Variants in FSIP1 observed in about 807,000 individuals in gnomAD.
FSIP1 encodes the protein fibrous sheath-interacting protein 1.
A neutral mutation model predicts 60.9 loss-of-function variants in FSIP1; 65 were observed. The ratio of observed to expected loss-of-function variants is 1.07; its 90% CI spans 0.87 to 1.31. The LOEUF is 1.31. FSIP1 is among the 40% of genes most tolerant of loss of function. The probability of loss-of-function intolerance (pLI) is 0.00; values close to 1 mark genes in which losing one functional copy is unlikely to be tolerated. For missense variants in FSIP1, 675 were observed against 665.5 expected, an observed-to-expected ratio of 1.01 and a Z score of -0.16; for synonymous variants, 209 against 221.2, an observed-to-expected ratio of 0.94 and a Z score of 0.49.
At chr15:39,605,576 A>G (rs1352938102) in intron 11 of FSIP1, among the ~76,000 whole-genome samples, 1 of 152,224 alleles carries the variant, frequency 6.6e-6, no homozygotes, top group Admixed American at 6.5e-5. Flanking sequence ...TGGAAATTCA[A>G]TGTCTCCAAA....
intron 10 of FSIP1, among the ~76,000 whole-genome samples, chr15:39,652,155 C>G (rs1892897773): frequency 1.3e-5 from 2 of 152,180 alleles, no homozygotes. Flanking sequence ...CCAGCTCAGC[C>G]TCAGAGCCCA....
chr15:39,749,248 C>T lies in FSIP1; in HGVS notation c.560-7348G>A, dbSNP rs529477317. 2.0e-3 allele frequency among the ~76,000 whole-genome samples: 184 copies of T among 92,442 alleles called. 1 individual carries two copies. The highest frequency in any genetic ancestry group is 2.5e-3 in the Non-Finnish European group (126 of 50,130). The allele number at this position is 92,442 out of a possible 152,430, so 60.6% of individuals were successfully genotyped here. A position where few individuals can be genotyped will look rare whatever the true frequency, so the allele number is the denominator to read the frequency against. Reference sequence around the variant, plus strand: ...TCTCCAAGAAGAATTAATACCAATACTTCTTAAACTCTTCCAAAAAAAAAA... The same window carrying T: ...TCTCCAAGAAGAATTAATACCAATATTTCTTAAACTCTTCCAAAAAAAAAA... On this transcript the variant is annotated intron_variant, in intron 5 of 11. Coordinates refer to ENST00000350221, the MANE Select transcript of FSIP1 (RefSeq NM_152597.5).
intron 10 of FSIP1, among the ~76,000 whole-genome samples, chr15:39,695,120 A>G (rs1894762655): frequency 6.6e-6 from 1 of 152,002 alleles, no homozygotes; most frequent in Non-Finnish European, 1.5e-5. Context: ...CATTTCACCT[A>G]TTTTCTTAAA....
chr15:39,618,116 C>G lies in FSIP1; in HGVS notation c.1318G>C (p.Val440Leu). 6.2e-7 allele frequency: 1 copy of G among 1,614,214 alleles called. No homozygotes were observed. The highest frequency in any genetic ancestry group is 8.5e-7 in the Non-Finnish European group (1 of 1,180,034). ...ATGGACCTGGAAAGCTGGGGGAACA[C>G]AGGTGTTACGTCCTCAATGTCTTCC... ...KKEDIEDVTP[V>L]FPQLSRSIIS... The change falls in exon 11 of 12, where the codon GTG (valine) becomes CTG (leucine). Residue 440 changes from valine (V) to leucine (L), a missense_variant. By Grantham distance (32) the Val-to-Leu change is conservative. Transcript: ENST00000350221.
chr15:39,646,344 G>A (rs370296155), intron 10 of FSIP1, among the ~76,000 whole-genome samples: 13 of 151,658 alleles, frequency 8.6e-5, no homozygotes, highest in African/African-American at 1.9e-4. Context: ...ACAAGAACTC[G>A]GGCAAAGGTG....
chr15:39,652,895 G>A (rs1892930025), intron 10 of FSIP1, among the ~76,000 whole-genome samples: 1 of 151,668 alleles, frequency 6.6e-6, no homozygotes, highest in Admixed American at 6.6e-5. Context: ...CGGTATGCAG[G>A]CTGAATACAG....
intron 10 of FSIP1, among the ~76,000 whole-genome samples, chr15:39,709,266 A>C (rs1895399649): frequency 6.6e-6 from 1 of 152,218 alleles, no homozygotes; most frequent in African/African-American, 2.4e-5. Context: ...TTCCACCAGT[A>C]ATCCTGAAAG....
chr15:39,649,757 C>T (rs898610163), intron 10 of FSIP1, among the ~76,000 whole-genome samples: 2 of 152,238 alleles, frequency 1.3e-5, no homozygotes, highest in Admixed American at 1.3e-4. Flanking sequence ...GTCCTGAACA[C>T]TCAGCTTGAC....
intron 10 of FSIP1, among the ~76,000 whole-genome samples, chr15:39,679,013 T>C (rs1894055339): frequency 1.3e-5 from 2 of 152,206 alleles, no homozygotes; most frequent in African/African-American, 4.8e-5. Flanking sequence ...AAAGAATGGA[T>C]CTTGTCTGGG....
intron 5 of FSIP1, among the ~76,000 whole-genome samples, chr15:39,758,947 G>T (rs1220832566): frequency 6.6e-6 from 1 of 151,948 alleles, no homozygotes; most frequent in African/African-American, 2.4e-5. Flanking sequence ...ATCCAATAAA[G>T]GGTCTTGGAA....
intron 5 of FSIP1, among the ~76,000 whole-genome samples, chr15:39,749,150 A>C (rs1405128108): frequency 2.6e-5 from 4 of 151,694 alleles, no homozygotes; most frequent in African/African-American, 9.7e-5. Context: ...ACAGAGATTG[A>C]AGTAGTAATT....
intron 10 of FSIP1, among the ~76,000 whole-genome samples, chr15:39,655,797 T>A (rs1269601947): frequency 1.3e-5 from 2 of 152,150 alleles, no homozygotes; most frequent in Non-Finnish European, 2.9e-5. Flanking sequence ...TTTGAAATGA[T>A]CTTAGGATAG....
chr15:39,682,981 C>T (rs1383612364), intron 10 of FSIP1, among the ~76,000 whole-genome samples: 1 of 152,008 alleles, frequency 6.6e-6, no homozygotes, highest in Non-Finnish European at 1.5e-5. Context: ...AGTTCCTGGT[C>T]CAGTACAGAA....
chr15:39,693,466 G>A (rs1284439873), intron 10 of FSIP1, among the ~76,000 whole-genome samples: 1 of 152,214 alleles, frequency 6.6e-6, no homozygotes, highest in East Asian at 1.9e-4. Flanking sequence ...GCTACAATAA[G>A]TCTCTGCGAA....
At chr15:39,741,705 T>C (rs977780382) in intron 6 of FSIP1, 100 bp downstream of exon 6, 1 of 646,592 alleles carries the variant, frequency 1.5e-6, no homozygotes, top group Admixed American at 2.4e-5. Flanking sequence ...CCACTTACCT[T>C]TGGATTAAAT....
At chr15:39,616,143 A>C (rs1891222935) in intron 11 of FSIP1, among the ~76,000 whole-genome samples, 2 of 152,196 alleles carry the variant, frequency 1.3e-5, no homozygotes, top group Admixed American at 6.5e-5. Flanking sequence ...AAAAAATCCA[A>C]ATATTTATAT....
intron 5 of FSIP1, among the ~76,000 whole-genome samples, chr15:39,750,066 C>CA (rs764342977): frequency 6.6e-6 from 1 of 151,536 alleles, no homozygotes; most frequent in Non-Finnish European, 1.5e-5. Flanking sequence ...ATGATAGCAT[C>CA]AAAAAAATCA....
At chr15:39,749,738 T>C (rs1305413913) in intron 5 of FSIP1, among the ~76,000 whole-genome samples, 2 of 152,150 alleles carry the variant, frequency 1.3e-5, no homozygotes, top group Middle Eastern at 3.4e-3. Context: ...GCTTTTCCTC[T>C]GAGATCTAGT....
chr15:39,642,231 A>G (rs1197444071), intron 10 of FSIP1, among the ~76,000 whole-genome samples: 1 of 152,220 alleles, frequency 6.6e-6, no homozygotes, highest in Admixed American at 6.5e-5. Context: ...CACAATGAAT[A>G]AAGCCCTAAG....
Sources: gnomAD v4.1 joint callset for allele counts (sites outside exome capture counted in the v4.1 genomes callset) on GRCh38, gnomAD v4.1.1 for gene constraint, MANE v1.5 for transcripts, NCBI Gene and HGNC (gene_info 2026-07-23, HGNC 2026-07-21) for gene names.